Variants in RANBP2 observed in about 807,000 individuals in gnomAD.
RANBP2 encodes RAN binding protein 2.
Under a neutral mutation model 303.6 loss-of-function variants are expected in RANBP2, and 57 were observed. The observed-to-expected ratio is 0.19, with a 90% CI of 0.15 to 0.23. The LOEUF is 0.23. RANBP2 is among the 10% of genes least tolerant of loss of function. The pLI is 1.00. For missense variants in RANBP2, 3,138 were observed against 3,780.8 expected (o/e 0.83, Z 4.46); for synonymous variants, 1,167 against 1,301.5 (o/e 0.90, Z 2.23).
chr2:109,528,360 T>C, the RANBP2 span, among the ~76,000 whole-genome samples: 1 of 152,058 alleles, frequency 6.6e-6, no homozygotes, highest in African/African-American at 2.4e-5. Flanking sequence ...TAAACATGAG[T>C]GCCAAGTCTA....
At chr2:108,763,010 A>G (rs1049586191) in intron 19 of RANBP2, among the ~76,000 whole-genome samples, 8 of 152,124 alleles carry the variant, frequency 5.3e-5, no homozygotes, top group East Asian at 1.9e-4. Context: ...CACTAAGCTT[A>G]TGGGAGTTAT....
chr2:109,170,244 TTTCTCTTCTC>T, the RANBP2 span, among the ~76,000 whole-genome samples: 3,041 of 32,478 alleles, frequency 0.094, 68 homozygotes, highest in Middle Eastern at 0.23. Context: ...CTTCTTTTCT[TTTCTCTTCTC>T]TTCTCTTCTC....
the RANBP2 span, among the ~76,000 whole-genome samples, chr2:109,358,719 C>T: frequency 3.5e-4 from 53 of 152,296 alleles, no homozygotes; most frequent in African/African-American, 1.3e-3. Flanking sequence ...AATATTTTCT[C>T]CCAGTCTGTA....
the RANBP2 span, among the ~76,000 whole-genome samples, chr2:109,320,880 G>A: frequency 1.3e-3 from 194 of 152,276 alleles, no homozygotes; most frequent in Non-Finnish European, 2.3e-3. Context: ...CCTGCCCTAC[G>A]ATACTCATCA....
the RANBP2 span, among the ~76,000 whole-genome samples, chr2:109,279,316 A>G: frequency 6.6e-6 from 1 of 152,212 alleles, no homozygotes; most frequent in East Asian, 1.9e-4. Context: ...TGCAGTGGCC[A>G]GTGGAGGGCT....
chr2:109,261,218 A>G, the RANBP2 span, among the ~76,000 whole-genome samples: 1,112 of 152,210 alleles, frequency 7.3e-3, 8 homozygotes, highest in South Asian at 0.024. Flanking sequence ...GCATAGGTGT[A>G]AAGCGAGGGC....
At chr2:108,990,158 G>GCGCCC in the RANBP2 span, among the ~76,000 whole-genome samples, 2 of 152,098 alleles carry the variant, frequency 1.3e-5, no homozygotes, top group African/African-American at 4.8e-5. Context: ...TAGGCCGGGC[G>GCGCCC]CGGTGGCTCA....
At chr2:108,997,462 A>AAAAC in the RANBP2 span, among the ~76,000 whole-genome samples, 1 of 149,670 alleles carries the variant, frequency 6.7e-6, no homozygotes, top group Admixed American at 6.6e-5. Context: ...AAAAAAAAAA[A>AAAAC]AGATGATGGT....
chr2:108,906,239 G>A, the RANBP2 span: 3 of 1,564,532 alleles, frequency 1.9e-6, no homozygotes, highest in Non-Finnish European at 2.6e-6. Context: ...GGAGCCTCAG[G>A]GCTCCGGGCC....
chr2:109,140,386 C>CT, the RANBP2 span, among the ~76,000 whole-genome samples: 235 of 144,896 alleles, frequency 1.6e-3, 1 homozygote, highest in Admixed American at 2.3e-3. Flanking sequence ...AATTTCTTGC[C>CT]TTTTTTTTTT....
chr2:108,906,030 G>A, the RANBP2 span, among the ~76,000 whole-genome samples: 11 of 146,232 alleles, frequency 7.5e-5, no homozygotes, highest in African/African-American at 2.2e-4. Flanking sequence ...GCTGCTCACC[G>A]ACCCTGCGTT....
At chr2:109,457,866 G>A in the RANBP2 span, among the ~76,000 whole-genome samples, 18 of 152,122 alleles carry the variant, frequency 1.2e-4, no homozygotes, top group Non-Finnish European at 1.8e-4. Context: ...AGACCCAGCC[G>A]TCTGTCCCTC....
At chr2:109,681,424 AT>A in the RANBP2 span, among the ~76,000 whole-genome samples, 1 of 152,264 alleles carries the variant, frequency 6.6e-6, no homozygotes, top group African/African-American at 2.4e-5. Context: ...AAAAGTTCAC[AT>A]TAAAAAAGAA....
chr2:108,818,992 G>C, the RANBP2 span, among the ~76,000 whole-genome samples: 34 of 152,136 alleles, frequency 2.2e-4, no homozygotes, highest in African/African-American at 8.0e-4. Context: ...CAAAGAAATT[G>C]AGATACAAAA....
the RANBP2 span, among the ~76,000 whole-genome samples, chr2:108,892,726 C>G: frequency 1.3e-5 from 2 of 152,192 alleles, no homozygotes; most frequent in Admixed American, 1.3e-4. Flanking sequence ...ATCTGGGCCA[C>G]TGGAAGTCTC....
At chr2:109,429,315 GA>G in the RANBP2 span, among the ~76,000 whole-genome samples, 3 of 151,930 alleles carry the variant, frequency 2.0e-5, no homozygotes, top group Non-Finnish European at 2.9e-5. Flanking sequence ...GCACCCAGAG[GA>G]AAAAAAGTAG....
At chr2:109,277,588 A>G in the RANBP2 span, among the ~76,000 whole-genome samples, 1,156 of 152,238 alleles carry the variant, frequency 7.6e-3, 10 homozygotes, top group African/African-American at 0.026. Flanking sequence ...GTCGTTATCT[A>G]TCACCCTGCA....
chr2:109,348,654 A>G, the RANBP2 span, among the ~76,000 whole-genome samples: 1 of 152,142 alleles, frequency 6.6e-6, no homozygotes, highest in Admixed American at 6.5e-5. Context: ...CAGGGGAAGT[A>G]GTTGGAACCT....
the RANBP2 span, among the ~76,000 whole-genome samples, chr2:109,498,564 A>G: frequency 6.6e-6 from 1 of 152,210 alleles, no homozygotes; most frequent in Non-Finnish European, 1.5e-5. Flanking sequence ...CTCCCTGAGC[A>G]TGCACTCAGC....
Sources: allele counts gnomAD v4.1 joint callset (sites outside exome capture counted in the v4.1 genomes callset), GRCh38; gene constraint gnomAD v4.1.1; transcripts MANE v1.5; gene names NCBI Gene and HGNC (gene_info 2026-07-23, HGNC 2026-07-21).